RARB: variants seen among roughly 807,000 people sequenced by gnomAD.
The protein encoded by RARB is HBV-activated protein.
In RARB, 17 loss-of-function variants were observed where a neutral mutation model predicts 51.9. The observed-to-expected ratio is 0.33, with a 90% confidence interval of 0.22 to 0.49. The LOEUF (loss-of-function observed/expected upper bound fraction) is 0.49, where lower values mean the gene tolerates loss of function less well. Among genes scored for constraint, RARB ranks in the 20% least tolerant of loss-of-function variants. RARB has a pLI of 0.99. For synonymous variants in RARB, 215 were observed against 195.4 expected (o/e 1.10, Z -0.84); for missense variants, 369 against 550.8 (o/e 0.67, Z 3.30).
At chr3:24,926,379 A>T (rs1055525044) in intron 2 of RARB, among the ~76,000 whole-genome samples, 1 of 152,130 alleles carries the variant, frequency 6.6e-6, no homozygotes, top group Non-Finnish European at 1.5e-5. Context: ...TTGCTAAATT[A>T]TGTGGTGCTT....
At chr3:25,228,885 A>T (rs1702115513) in intron 5 of RARB, among the ~76,000 whole-genome samples, 1 of 152,136 alleles carries the variant, frequency 6.6e-6, no homozygotes, top group African/African-American at 2.4e-5. Context: ...AGTGACTCCT[A>T]GTGAAGATTC....
chr3:25,035,522 A>T (rs1458363993), intron 2 of RARB, among the ~76,000 whole-genome samples: 1 of 151,066 alleles, frequency 6.6e-6, no homozygotes, highest in Non-Finnish European at 1.5e-5. Flanking sequence ...TCTGAGATAC[A>T]TTGAAGGAAG....
intron 2 of RARB, among the ~76,000 whole-genome samples, chr3:24,944,852 G>A (rs1049359793): frequency 4.6e-5 from 7 of 152,168 alleles, no homozygotes; most frequent in Non-Finnish European, 4.4e-5. Flanking sequence ...CATTATTCAG[G>A]GAGGAAGAGA....
chr3:25,203,817 G>A (rs1300668896), intron 5 of RARB, among the ~76,000 whole-genome samples: 2 of 152,204 alleles, frequency 1.3e-5, no homozygotes, highest in African/African-American at 4.8e-5. Context: ...AGTCTGATGG[G>A]CTTCCCTTTG....
At chr3:24,912,143 G>C (rs988009462) in intron 2 of RARB, among the ~76,000 whole-genome samples, 1 of 152,164 alleles carries the variant, frequency 6.6e-6, no homozygotes, top group Non-Finnish European at 1.5e-5. Flanking sequence ...GATAGCAGGA[G>C]AGTTGCTAGA....
chr3:25,111,581 T>TG lies in RARB; in HGVS notation c.-327-20578dup, dbSNP rs1177567573. Reference sequence around the variant, plus strand: ...GCTAAATGATCTCCGTTTCTAACAGTGGTTTTTTTTTTTTTTTTTTTGAGA... The same window carrying TG: ...GCTAAATGATCTCCGTTTCTAACAGTGGGTTTTTTTTTTTTTTTTTTTGAGA... On this transcript the variant is annotated intron_variant, in intron 3 of 11. Coordinates refer to the RARB transcript ENST00000383772. Among the ~76,000 whole-genome samples the TG allele has an allele frequency of 1.2e-3, 131 of 112,950 alleles. 1 individual carries two copies. The highest frequency in any genetic ancestry group is 3.9e-3 in the African/African-American group (127 of 32,978). The allele number at this position is 112,950 out of a possible 152,430, so 74.1% of individuals were successfully genotyped here. A position where few individuals can be genotyped will look rare whatever the true frequency, so the allele number is the denominator to read the frequency against.
intron 3 of RARB, among the ~76,000 whole-genome samples, chr3:25,551,054 A>G (rs1048724240): frequency 6.6e-6 from 1 of 152,192 alleles, no homozygotes; most frequent in Non-Finnish European, 1.5e-5. Context: ...TAAGGGGTTA[A>G]GAAGGAGATG....
In RARB at chr3:25,596,412, T is replaced by C. The variant is rs776111633; in HGVS notation, c.1151-8T>C. Reference sequence around the variant, plus strand: ...CTTAACCATATTTCCATTATCTCTTTTGAAAAGGTGCAGAGCGTGTAATTA... The same window carrying C: ...CTTAACCATATTTCCATTATCTCTTCTGAAAAGGTGCAGAGCGTGTAATTA... On this transcript the variant is annotated splice_region_variant and splice_polypyrimidine_tract_variant and intron_variant, in intron 7 of 7. Coordinates refer to ENST00000330688, the MANE Select transcript of RARB (RefSeq NM_000965.5). 2.5e-6 allele frequency: 4 copies of C among 1,602,576 alleles called. No homozygotes were observed. The highest frequency in any genetic ancestry group is 1.3e-5 in the African/African-American group (1 of 74,604).
chr3:24,859,608 T>C (rs2125340910), intron 2 of RARB, among the ~76,000 whole-genome samples: 1 of 152,332 alleles, frequency 6.6e-6, no homozygotes, highest in African/African-American at 2.4e-5. Context: ...ATATAATCAG[T>C]ATGCTTTGCT....
chr3:25,132,783 G>A (rs1448351603), intron 4 of RARB, among the ~76,000 whole-genome samples: 1 of 151,752 alleles, frequency 6.6e-6, no homozygotes, highest in Non-Finnish European at 1.5e-5. Context: ...TAATTAGCCT[G>A]ACTCCATGAT....
At chr3:24,954,119 C>A (rs1013038438) in intron 2 of RARB, among the ~76,000 whole-genome samples, 1 of 152,110 alleles carries the variant, frequency 6.6e-6, no homozygotes, top group Non-Finnish European at 1.5e-5. Flanking sequence ...TCTGTTCCTG[C>A]TCTTTTTATG....
intron 2 of RARB, among the ~76,000 whole-genome samples, chr3:25,041,517 T>G (rs1167319848): frequency 6.6e-6 from 1 of 151,684 alleles, no homozygotes; most frequent in African/African-American, 2.4e-5. Context: ...GGGAACATAG[T>G]TGAGAGGGAG....
At chr3:25,501,032 G>A (rs567084712) in intron 2 of RARB, 150 bp from the exon 3 acceptor site, 8 of 864,348 alleles carry the variant, frequency 9.3e-6, no homozygotes, top group East Asian at 6.1e-5. Context: ...GATATCTCAC[G>A]AGGATTTTAA....
At position 24,879,064 on chromosome 3, in the gene RARB, A is replaced by T. The variant is rs796297054; in HGVS notation, c.-380+20312A>T. Among the ~76,000 whole-genome samples the T allele has an allele frequency of 5.3e-5, 8 of 151,852 alleles. No homozygotes were observed. The East Asian group carries it at 1.4e-3, about 26-fold the overall frequency. The stretch of plus-strand genomic sequence containing the variant: ...CACCTACTTTTCTTTTATGTTTTAT[A>T]TATTTTTTTTCTCACTGTAGACTTA... On this transcript the variant is annotated intron_variant, in intron 2 of 11. Coordinates refer to the RARB transcript ENST00000383772.
chr3:25,080,111 C>T (rs551707284), intron 3 of RARB, among the ~76,000 whole-genome samples: 46 of 152,326 alleles, frequency 3.0e-4, no homozygotes, highest in African/African-American at 1.1e-3. Context: ...CTCCCTCAGA[C>T]TTTGCCAGCC....
intron 2 of RARB, among the ~76,000 whole-genome samples, chr3:24,911,685 G>A (rs1337600884): frequency 6.6e-6 from 1 of 152,194 alleles, no homozygotes; most frequent in Non-Finnish European, 1.5e-5. Context: ...GGGCACAGTG[G>A]CTCATACCTG....
chr3:25,212,117 T>C (rs1701713481), intron 5 of RARB, among the ~76,000 whole-genome samples: 1 of 152,178 alleles, frequency 6.6e-6, no homozygotes, highest in African/African-American at 2.4e-5. Context: ...TCAAAGACAT[T>C]AATGAACAAC....
intron 5 of RARB, among the ~76,000 whole-genome samples, chr3:25,237,965 T>A (rs1702342619): frequency 6.6e-6 from 1 of 152,200 alleles, no homozygotes; most frequent in East Asian, 1.9e-4. Flanking sequence ...AAGGTGTACT[T>A]AGGATATCCA....
chr3:25,021,397 C>G (rs1464919286), intron 2 of RARB, among the ~76,000 whole-genome samples: 1 of 151,502 alleles, frequency 6.6e-6, no homozygotes, highest in Non-Finnish European at 1.5e-5. Context: ...TTAGTCAGAT[C>G]AAAAATACCA....
Sources: gnomAD v4.1 joint callset for allele counts (sites outside exome capture counted in the v4.1 genomes callset) on GRCh38, gnomAD v4.1.1 for gene constraint, MANE v1.5 for transcripts, NCBI Gene and HGNC (gene_info 2026-07-23, HGNC 2026-07-21) for gene names.